Variants in MLLT3 observed in about 807,000 individuals in gnomAD.
MLLT3 encodes protein AF-9.
Under a neutral mutation model 53.2 loss-of-function variants are expected in MLLT3, and 4 were observed. The ratio of observed to expected loss-of-function variants is 0.08; its 90% CI spans 0.04 to 0.17. The LOEUF (loss-of-function observed/expected upper bound fraction) is 0.17, where lower values mean the gene tolerates loss of function less well. MLLT3 is among the 10% of genes least tolerant of loss of function. The probability of loss-of-function intolerance (pLI) is 1.00; values close to 1 mark genes in which losing one functional copy is unlikely to be tolerated. For synonymous variants in MLLT3, 283 were observed against 230.6 expected (o/e 1.23, Z -2.06); for missense variants, 569 against 684.0 (o/e 0.83, Z 1.87).
intron 2 of MLLT3, among the ~76,000 whole-genome samples, chr9:20,535,309 T>C (rs970620022): frequency 5.9e-5 from 9 of 152,004 alleles, no homozygotes; most frequent in African/African-American, 9.7e-5. Flanking sequence ...CCCGAAACCA[T>C]CCCCCCACCC....
chr9:20,573,913 A>C (rs945672662), intron 2 of MLLT3, among the ~76,000 whole-genome samples: 2 of 152,222 alleles, frequency 1.3e-5, no homozygotes, highest in East Asian at 3.8e-4. Flanking sequence ...CTCAAAAATA[A>C]AATTCTGTTG....
At chr9:20,565,441 T>G (rs1587074796) in intron 2 of MLLT3, among the ~76,000 whole-genome samples, 1 of 152,098 alleles carries the variant, frequency 6.6e-6, no homozygotes, top group Non-Finnish European at 1.5e-5. Flanking sequence ...AGTAGCCCAG[T>G]GGACCCAAGG....
Position 20,344,669 on chromosome 9 carries a change from A to AT in MLLT3, c.*1773dup, listed in dbSNP as rs1177119805. 2.9e-5 allele frequency: 6 copies of AT among 208,048 alleles called. No homozygotes were observed. The highest frequency in any genetic ancestry group is 1.6e-3 in the Middle Eastern group (1 of 624). 12.9% of individuals were successfully genotyped at this position (208,048 alleles called of 1,614,324 possible). A position where few individuals can be genotyped will look rare whatever the true frequency, so the allele number is the denominator to read the frequency against. ...TTACAAGGAGCATGGCTGTATTATA[A>AT]TTTTTTAAAGGAAAAATAGTTTCTT... is the stretch of plus-strand genomic sequence containing the variant. On this transcript the variant is annotated 3_prime_UTR_variant, in exon 11 of 11. Coordinates refer to ENST00000380338, the MANE Select transcript of MLLT3 (RefSeq NM_004529.4).
intron 2 of MLLT3, among the ~76,000 whole-genome samples, chr9:20,587,533 A>C (rs1289760033): frequency 4.1e-5 from 2 of 48,758 alleles, no homozygotes. Context: ...AAGATAAAAG[A>C]AAAAAAAATA....
intron 2 of MLLT3, among the ~76,000 whole-genome samples, chr9:20,486,672 G>A (rs894491304): frequency 3.9e-5 from 6 of 152,098 alleles, no homozygotes; most frequent in Non-Finnish European, 8.8e-5. Context: ...TGGAAGACAC[G>A]TGGCAACAAA....
In MLLT3 at chr9:20,505,308, A is replaced by G. The variant is rs1053814095; in HGVS notation, c.194-48522T>C. Among the ~76,000 whole-genome samples, 3 of 152,260 alleles carry G rather than the reference A, an allele frequency of 2.0e-5. 1 individual carries two copies. The highest frequency in any genetic ancestry group is 4.4e-5 in the Non-Finnish European group (3 of 68,048). On this transcript the variant is annotated intron_variant, in intron 2 of 10. Coordinates refer to ENST00000380338, the MANE Select transcript of MLLT3 (RefSeq NM_004529.4). ...CATAAATGGCATACTAAGTGACAGA[A>G]TATGACCTCAACACATAATCACAAA...
intron 5 of MLLT3, among the ~76,000 whole-genome samples, chr9:20,386,732 C>T (rs977087369): frequency 3.3e-5 from 5 of 152,150 alleles, no homozygotes; most frequent in African/African-American, 1.2e-4. Flanking sequence ...GAAATGCTAA[C>T]CGGATTTTAT....
chr9:20,461,494 A>G (rs1215061635), intron 2 of MLLT3, among the ~76,000 whole-genome samples: 1 of 152,124 alleles, frequency 6.6e-6, no homozygotes, highest in African/African-American at 2.4e-5. Flanking sequence ...TTTAGAAGTA[A>G]AAGATTTGAC....
chr9:20,520,010 T>C (rs1489921956), intron 2 of MLLT3, among the ~76,000 whole-genome samples: 1 of 152,188 alleles, frequency 6.6e-6, no homozygotes, highest in East Asian at 1.9e-4. Flanking sequence ...TGGAATACTA[T>C]GTAACCATAA....
At chr9:20,356,903 C>T (rs956956309) in intron 8 of MLLT3, among the ~76,000 whole-genome samples, 3 of 152,194 alleles carry the variant, frequency 2.0e-5, no homozygotes, top group Non-Finnish European at 4.4e-5. Flanking sequence ...GTGTCAGTGA[C>T]CCGCCTCAAG....
At chr9:20,493,843 T>A (rs539933926) in intron 2 of MLLT3, among the ~76,000 whole-genome samples, 1 of 152,230 alleles carries the variant, frequency 6.6e-6, no homozygotes, top group Admixed American at 6.5e-5. Flanking sequence ...TAGACATGCA[T>A]AATTTTTTAA....
chr9:20,351,040 A>G (rs2118598341), intron 10 of MLLT3, among the ~76,000 whole-genome samples: 1 of 152,328 alleles, frequency 6.6e-6, no homozygotes. Flanking sequence ...ACGGACAACC[A>G]CCACATAAAA....
At chr9:20,359,572 G>T (rs1821265696) in intron 8 of MLLT3, among the ~76,000 whole-genome samples, 1 of 152,182 alleles carries the variant, frequency 6.6e-6, no homozygotes, top group African/African-American at 2.4e-5. Flanking sequence ...AACAAGAACG[G>T]ATTTGCATTA....
chr9:20,357,981 G>GCACGCA (rs1554675044), intron 8 of MLLT3, among the ~76,000 whole-genome samples: 2 of 139,342 alleles, frequency 1.4e-5, no homozygotes, highest in Non-Finnish European at 3.1e-5. Flanking sequence ...TCCCTCCTGC[G>GCACGCA]CACACACACA....
At chr9:20,482,994 A>C (rs28723376) in intron 2 of MLLT3, among the ~76,000 whole-genome samples, 8,779 of 152,178 alleles carry the variant, frequency 0.058, 356 homozygotes, top group African/African-American at 0.12. Context: ...TTAGGATTGT[A>C]CAGTACTACT....
chr9:20,508,938 T>A (rs1211282640), intron 2 of MLLT3, among the ~76,000 whole-genome samples: 1 of 152,206 alleles, frequency 6.6e-6, no homozygotes, highest in Non-Finnish European at 1.5e-5. Flanking sequence ...TTAAATAATT[T>A]CATTTTTAAA....
chr9:20,474,274 G>A (rs920077863), intron 2 of MLLT3, among the ~76,000 whole-genome samples: 2 of 152,084 alleles, frequency 1.3e-5, no homozygotes, highest in African/African-American at 4.8e-5. Context: ...GAAAATTGGA[G>A]AAGATTTGAA....
intron 5 of MLLT3, among the ~76,000 whole-genome samples, chr9:20,369,362 C>A (rs898183112): frequency 2.0e-5 from 3 of 152,150 alleles, no homozygotes; most frequent in Non-Finnish European, 2.9e-5. Flanking sequence ...CTTAAACACA[C>A]ACACAAAAAC....
At chr9:20,462,698 C>T (rs1226219888) in intron 2 of MLLT3, among the ~76,000 whole-genome samples, 1 of 152,102 alleles carries the variant, frequency 6.6e-6, no homozygotes, top group African/African-American at 2.4e-5. Flanking sequence ...CATCTGCTAC[C>T]ATCAAGTCCC....
Sources: gnomAD v4.1 joint callset for allele counts (sites outside exome capture counted in the v4.1 genomes callset) on GRCh38, gnomAD v4.1.1 for gene constraint, MANE v1.5 for transcripts, NCBI Gene and HGNC (gene_info 2026-07-23, HGNC 2026-07-21) for gene names.